RAB38: variants seen among roughly 807,000 people sequenced by gnomAD.
The protein encoded by RAB38 is RAB38, member RAS oncogene family.
RAB38 carries 15 observed loss-of-function variants against 18.4 expected under a neutral mutation model. The observed-to-expected ratio is 0.82, with a 90% CI of 0.55 to 1.26. The LOEUF (loss-of-function observed/expected upper bound fraction) is 1.26, where lower values mean the gene tolerates loss of function less well. RAB38 is among the 50% of genes most tolerant of loss of function. The pLI, the probability that RAB38 is intolerant of heterozygous loss-of-function variation, is 0.00. For synonymous variants in RAB38, 101 were observed against 104.4 expected (o/e 0.97, Z 0.20); for missense variants, 294 against 267.4 (o/e 1.10, Z -0.69).
chr11:88,147,456 A>G (rs1943003212), intron 2 of RAB38, among the ~76,000 whole-genome samples: 1 of 151,984 alleles, frequency 6.6e-6, no homozygotes, highest in African/African-American at 2.4e-5. Context: ...CTGAGCTGAG[A>G]GTGACATTTT....
chr11:88,118,439 T>A (rs540460340), intron 2 of RAB38, among the ~76,000 whole-genome samples: 1 of 152,322 alleles, frequency 6.6e-6, no homozygotes, highest in Admixed American at 6.5e-5. Context: ...CTTTGGGCAA[T>A]TAGATTGCAA....
the RAB38 span, among the ~76,000 whole-genome samples, chr11:88,026,550 G>A: frequency 0.031 from 3,836 of 122,370 alleles, 102 homozygotes; most frequent in African/African-American, 0.082. Context: ...GCTACAGAGC[G>A]AGACTCTGTC....
chr11:87,845,879 G>C, the RAB38 span, among the ~76,000 whole-genome samples: 1 of 152,040 alleles, frequency 6.6e-6, no homozygotes. Flanking sequence ...CATCTTTAAA[G>C]TACCGAAAGT....
the RAB38 span, among the ~76,000 whole-genome samples, chr11:87,861,801 C>T: frequency 6.6e-6 from 1 of 151,750 alleles, no homozygotes; most frequent in Non-Finnish European, 1.5e-5. Context: ...CTCCTTTTAA[C>T]TTATTTTGTG....
At chr11:88,033,568 G>C in the RAB38 span, among the ~76,000 whole-genome samples, 1 of 151,742 alleles carries the variant, frequency 6.6e-6, no homozygotes, top group Non-Finnish European at 1.5e-5. Context: ...GTTTCTCCAT[G>C]AAAAATTGAT....
chr11:87,926,395 T>A, the RAB38 span, among the ~76,000 whole-genome samples: 1 of 152,070 alleles, frequency 6.6e-6, no homozygotes, highest in South Asian at 2.1e-4. Context: ...ATCACTTCAC[T>A]CAGCCATCGA....
At chr11:87,963,935 C>T in the RAB38 span, among the ~76,000 whole-genome samples, 64,119 of 151,872 alleles carry the variant, frequency 0.42, 13,711 homozygotes, top group East Asian at 0.53. Flanking sequence ...CGTGAGCCAC[C>T]GCTCACTAAA....
intron 2 of RAB38, among the ~76,000 whole-genome samples, chr11:88,134,150 A>G (rs1942801453): frequency 6.6e-6 from 1 of 152,188 alleles, no homozygotes. Flanking sequence ...AACCTTTTAG[A>G]CTTTAACATA....
At chr11:87,822,304 T>C in the RAB38 span, among the ~76,000 whole-genome samples, 1 of 152,292 alleles carries the variant, frequency 6.6e-6, no homozygotes, top group East Asian at 1.9e-4. Flanking sequence ...ATTAAAACAA[T>C]CCAAGTACAA....
At chr11:88,057,929 C>G in the RAB38 span, among the ~76,000 whole-genome samples, 5 of 151,994 alleles carry the variant, frequency 3.3e-5, no homozygotes, top group Admixed American at 3.3e-4. Context: ...AGCATCCTCA[C>G]AAATGAAAAA....
the RAB38 span, among the ~76,000 whole-genome samples, chr11:88,044,279 G>C: frequency 6.6e-6 from 1 of 152,028 alleles, no homozygotes; most frequent in Admixed American, 6.5e-5. Flanking sequence ...TTCTCTGGTG[G>C]GGAGGAACCC....
chr11:87,840,241 G>T, the RAB38 span, among the ~76,000 whole-genome samples: 1 of 152,166 alleles, frequency 6.6e-6, no homozygotes, highest in South Asian at 2.1e-4. Flanking sequence ...ATGGCTTACT[G>T]AAGTTTTTTG....
the RAB38 span, among the ~76,000 whole-genome samples, chr11:87,949,204 T>C: frequency 8.5e-5 from 13 of 152,176 alleles, no homozygotes; most frequent in African/African-American, 2.7e-4. Flanking sequence ...TCTCTGACGG[T>C]AGTTTGTATT....
chr11:88,040,054 A>G, the RAB38 span, among the ~76,000 whole-genome samples: 2 of 152,234 alleles, frequency 1.3e-5, no homozygotes, highest in Non-Finnish European at 2.9e-5. Context: ...TTTGAACTGA[A>G]TAATTCCCAG....
intron 1 of RAB38, among the ~76,000 whole-genome samples, chr11:88,151,777 A>G (rs1011500412): frequency 6.6e-6 from 1 of 152,348 alleles, no homozygotes; most frequent in Non-Finnish European, 1.5e-5. Context: ...AGTAGCATTG[A>G]AACTGTAAGA....
At chr11:88,087,374 T>C in the RAB38 span, among the ~76,000 whole-genome samples, 1 of 151,954 alleles carries the variant, frequency 6.6e-6, no homozygotes, top group African/African-American at 2.4e-5. Flanking sequence ...ATAAAACAGA[T>C]TCGTTTGACT....
the RAB38 span, among the ~76,000 whole-genome samples, chr11:87,835,153 G>C: frequency 6.6e-6 from 1 of 152,190 alleles, no homozygotes; most frequent in Non-Finnish European, 1.5e-5. Flanking sequence ...GAATGTATTG[G>C]GTGACTTACA....
At chr11:88,021,437 A>T in the RAB38 span, among the ~76,000 whole-genome samples, 1 of 152,138 alleles carries the variant, frequency 6.6e-6, no homozygotes, top group Non-Finnish European at 1.5e-5. Flanking sequence ...AATCTAGGCC[A>T]TGATAAAAAG....
chr11:87,862,672 A>G, the RAB38 span, among the ~76,000 whole-genome samples: 2 of 151,888 alleles, frequency 1.3e-5, no homozygotes, highest in African/African-American at 4.8e-5. Flanking sequence ...AAAGTTAAAT[A>G]AAAACTAAAA....
Sources: allele counts gnomAD v4.1 joint callset (sites outside exome capture counted in the v4.1 genomes callset), GRCh38; gene constraint gnomAD v4.1.1; transcripts MANE v1.5; gene names NCBI Gene and HGNC (gene_info 2026-07-23, HGNC 2026-07-21).